GLIS3: variants seen among roughly 807,000 people sequenced by gnomAD.
GLIS3 encodes zinc finger protein GLIS3.
In GLIS3, 53 loss-of-function variants were observed where a neutral mutation model predicts 78.6. The observed-to-expected ratio is 0.67, with a 90% CI of 0.54 to 0.85. GLIS3 has a LOEUF of 0.85. Ranked by LOEUF, GLIS3 falls within the 40% of genes least tolerant of loss-of-function variation. The probability of loss-of-function intolerance (pLI) is 0.00; values close to 1 mark genes in which losing one functional copy is unlikely to be tolerated. For missense variants in GLIS3, 1,703 were observed against 1,231.1 expected, an observed-to-expected ratio of 1.38 and a Z score of -5.74; for synonymous variants, 684 against 509.9, an observed-to-expected ratio of 1.34 and a Z score of -4.60.
At chr9:4,187,842 A>AT (rs1320841555) in intron 2 of GLIS3, among the ~76,000 whole-genome samples, 1 of 152,056 alleles carries the variant, frequency 6.6e-6, no homozygotes, top group African/African-American at 2.4e-5. Flanking sequence ...TTGCACATTG[A>AT]TTTTGTATCC....
chr9:4,053,610 T>C (rs1236631548), intron 4 of GLIS3, among the ~76,000 whole-genome samples: 1 of 141,624 alleles, frequency 7.1e-6, no homozygotes, highest in Non-Finnish European at 1.5e-5. Context: ...CTCTAGTGGA[T>C]AAATGTCTCA....
intron 2 of GLIS3, among the ~76,000 whole-genome samples, chr9:4,208,980 T>C (rs1352862308): frequency 1.3e-5 from 2 of 152,218 alleles, no homozygotes; most frequent in Non-Finnish European, 2.9e-5. Flanking sequence ...TAAAGCACTC[T>C]TGAGAACACT....
intron 9 of GLIS3, among the ~76,000 whole-genome samples, chr9:3,834,457 A>G (rs986142604): frequency 1.3e-5 from 2 of 152,224 alleles, no homozygotes; most frequent in Non-Finnish European, 2.9e-5. Context: ...GTGACTGAAG[A>G]ACTGACTTTT....
chr9:4,308,414 C>T (rs980712204), intron 4 of GLIS3, among the ~76,000 whole-genome samples: 2 of 151,930 alleles, frequency 1.3e-5, no homozygotes, highest in Admixed American at 6.5e-5. Context: ...GAAGGAAGGG[C>T]GCTGGAGGAG....
Position 4,139,600 on chromosome 9 carries a change from G to A in GLIS3, c.389-13659C>T, listed in dbSNP as rs1833654673. On this transcript the variant is annotated intron_variant, in intron 2 of 10. Transcript: ENST00000381971. ...TGTGAAGGGAGGGTAGTCTAAGCCA[G>A]CAGTCCCCAACCTTTTTGGCCCCAG... Among the ~76,000 whole-genome samples, 3 of 152,092 alleles carry A rather than the reference G, an allele frequency of 2.0e-5. No individual in the cohort carries two copies. The South Asian group carries it at 6.2e-4, about 32-fold the overall frequency.
At chr9:4,155,717 T>C (rs184941221) in intron 2 of GLIS3, among the ~76,000 whole-genome samples, 1 of 152,232 alleles carries the variant, frequency 6.6e-6, no homozygotes, top group Non-Finnish European at 1.5e-5. Context: ...AGTTCTCCAC[T>C]TAAGTGTGCA....
At chr9:4,178,909 GT>G (rs1817035789) in intron 2 of GLIS3, among the ~76,000 whole-genome samples, 4 of 152,098 alleles carry the variant, frequency 2.6e-5, no homozygotes, top group African/African-American at 9.7e-5. Flanking sequence ...TGAAGAAGGG[GT>G]TTTATTATTT....
At chr9:3,922,000 A>C (rs537232116) in intron 6 of GLIS3, among the ~76,000 whole-genome samples, 1 of 152,116 alleles carries the variant, frequency 6.6e-6, no homozygotes, top group South Asian at 2.1e-4. Flanking sequence ...ATATAGTCCT[A>C]ACAGAAATTC....
chr9:4,275,965 G>A (rs1315589257), intron 2 of GLIS3, among the ~76,000 whole-genome samples: 1 of 151,930 alleles, frequency 6.6e-6, no homozygotes, highest in Non-Finnish European at 1.5e-5. Flanking sequence ...GTCCAAGGCT[G>A]TTCCCCTTTA....
chr9:3,995,593 C>T (rs1187452859), intron 4 of GLIS3, among the ~76,000 whole-genome samples: 1 of 151,662 alleles, frequency 6.6e-6, no homozygotes, highest in African/African-American at 2.4e-5. Context: ...AAACAAGAGG[C>T]TGTGAAAATT....
chr9:3,852,411 C>G (rs1819492619), intron 9 of GLIS3, among the ~76,000 whole-genome samples: 1 of 152,138 alleles, frequency 6.6e-6, no homozygotes, highest in Non-Finnish European at 1.5e-5. Flanking sequence ...ATTAGCAACC[C>G]TGACACTGCT....
At chr9:4,193,780 T>C (rs992134424) in intron 2 of GLIS3, among the ~76,000 whole-genome samples, 1 of 152,204 alleles carries the variant, frequency 6.6e-6, no homozygotes, top group South Asian at 2.1e-4. Context: ...TGAAAATACG[T>C]TGACTAAAAC....
intron 4 of GLIS3, among the ~76,000 whole-genome samples, chr9:3,999,564 T>G (rs1820984411): frequency 6.6e-6 from 1 of 151,980 alleles, no homozygotes. Flanking sequence ...TGTATGAGAT[T>G]TTTAAATAAT....
At chr9:4,457,317 T>C in the GLIS3 span, among the ~76,000 whole-genome samples, 1 of 151,562 alleles carries the variant, frequency 6.6e-6, no homozygotes, top group East Asian at 1.9e-4. Flanking sequence ...GCTATGATCA[T>C]ACCACTGCAC....
At chr9:4,170,734 G>C (rs1816305567) in intron 2 of GLIS3, among the ~76,000 whole-genome samples, 1 of 152,144 alleles carries the variant, frequency 6.6e-6, no homozygotes, top group Admixed American at 6.5e-5. Flanking sequence ...TACACCATCT[G>C]ACTTTTCCTG....
At chr9:4,010,265 T>C (rs527793998) in intron 4 of GLIS3, among the ~76,000 whole-genome samples, 1 of 152,304 alleles carries the variant, frequency 6.6e-6, no homozygotes, top group Admixed American at 6.5e-5. Flanking sequence ...ACTAGACATA[T>C]AACCTTGGCC....
the GLIS3 span, among the ~76,000 whole-genome samples, chr9:4,367,405 C>T: frequency 5.9e-5 from 9 of 152,070 alleles, no homozygotes; most frequent in Non-Finnish European, 1.0e-4. Flanking sequence ...CATCACCTTC[C>T]GGAGGCCTTC....
In GLIS3 at chr9:3,828,362, G is replaced by T. The variant is rs1395748753; in HGVS notation, c.2703C>A (p.Leu901=). ...SSSSSLFGES[L]RSGAEDATFL... Reference sequence around the variant, plus strand: ...AGGTAGCATCTTCAGCCCCGCTGCGGAGAGACTCCCCAAAGAGGCTCGAGG... The same window carrying T: ...AGGTAGCATCTTCAGCCCCGCTGCGTAGAGACTCCCCAAAGAGGCTCGAGG... Residue 901 remains leucine (L), a synonymous_variant, in exon 11 of 11, where the codon CTC becomes CTA. Coordinates refer to ENST00000381971, the MANE Select transcript of GLIS3 (RefSeq NM_001042413.2). 6.2e-7 allele frequency: 1 copy of T among 1,613,906 alleles called. No individual in the cohort carries two copies. The highest frequency in any genetic ancestry group is 8.5e-7 in the Non-Finnish European group (1 of 1,180,026).
chr9:4,219,696 G>T (rs909999562), intron 2 of GLIS3, among the ~76,000 whole-genome samples: 3 of 152,164 alleles, frequency 2.0e-5, no homozygotes, highest in African/African-American at 7.2e-5. Context: ...AAAAAAACAT[G>T]AATACCTTTT....
Sources: allele counts gnomAD v4.1 joint callset (sites outside exome capture counted in the v4.1 genomes callset), GRCh38; gene constraint gnomAD v4.1.1; transcripts MANE v1.5; gene names NCBI Gene and HGNC (gene_info 2026-07-23, HGNC 2026-07-21).